Variants in SH3GL1 observed in about 807,000 individuals in gnomAD.
SH3GL1 encodes the protein endophilin-A2.
A neutral mutation model predicts 48.8 loss-of-function variants in SH3GL1; 21 were observed. The ratio of observed to expected loss-of-function variants is 0.43; its 90% CI spans 0.30 to 0.62. The LOEUF is 0.62. SH3GL1 is among the 20% of genes least tolerant of loss of function. The probability of loss-of-function intolerance (pLI) is 0.11; values close to 1 mark genes in which losing one functional copy is unlikely to be tolerated. For missense variants in SH3GL1, 454 were observed against 503.0 expected (o/e 0.90, Z 0.93); for synonymous variants, 282 against 217.5 (o/e 1.30, Z -2.61).
Position 4,362,752 on chromosome 19 carries a change from C to CG in SH3GL1, c.729-17dup. 1 of 1,613,544 alleles carries CG rather than the reference C, an allele frequency of 6.2e-7. No individual in the cohort carries two copies. Among genetic ancestry groups the CG allele is most frequent in the South Asian group, 1.1e-5 (1 of 91,088 alleles). ...TTCCCGCATCCTGTGAAGGGAGAGG[C>CG]GTGAGTGGACCGAGCCCGTGTCACG... On this transcript the variant is annotated splice_polypyrimidine_tract_variant and intron_variant, in intron 7 of 9. Coordinates refer to ENST00000269886, the MANE Select transcript of SH3GL1 (RefSeq NM_003025.4).
chr19:4,363,416 G>A lies in SH3GL1; in HGVS notation c.682C>T (p.Gln228Ter). ...AGCTCGTCCAGGATCTGCACGGCCT[G>A]CCGGTGGTAGTCCAGCTGTGCATCC... ...LVDAQLDYHRQAVQILDELAE... is the reference protein window; with the variant it reads ...LVDAQLDYHR Residue 228 changes from glutamine (Q) to a stop codon, truncating the protein, a stop_gained, in exon 7 of 10, where the codon CAG becomes TAG. Transcript: ENST00000269886. LOFTEE classifies it high-confidence loss of function. 1 of 1,612,308 alleles carries A rather than the reference G, an allele frequency of 6.2e-7. No individual in the cohort carries two copies. Among genetic ancestry groups the A allele is most frequent in the Non-Finnish European group, 8.5e-7 (1 of 1,179,480 alleles).
intron 1 of SH3GL1, among the ~76,000 whole-genome samples, chr19:4,372,094 C>CA (rs1972914351): frequency 6.6e-6 from 1 of 152,210 alleles, no homozygotes; most frequent in Non-Finnish European, 1.5e-5. Flanking sequence ...AGGCATGACA[C>CA]AGTGTGCCTG....
chr19:4,395,770 G>C (rs1260079540), intron 1 of SH3GL1: 2 of 151,816 alleles, frequency 1.3e-5, no homozygotes, highest in Non-Finnish European at 2.9e-5. Flanking sequence ...TTAGCCGGGT[G>C]TGGTGGCGCA....
At chr19:4,363,313 G>A (rs1972675389) in intron 7 of SH3GL1, 57 bp downstream of exon 7, 20 of 1,327,026 alleles carry the variant, frequency 1.5e-5, no homozygotes, top group Admixed American at 3.9e-5. Flanking sequence ...GCCCACTTGC[G>A]CTGGCAGAGG....
intron 1 of SH3GL1, among the ~76,000 whole-genome samples, chr19:4,383,617 G>A (rs1201708651): frequency 1.3e-5 from 2 of 152,162 alleles, no homozygotes; most frequent in Non-Finnish European, 2.9e-5. Context: ...CTGCCTGAGA[G>A]AACTGCTCTC....
intron 9 of SH3GL1, 99 bp downstream of exon 9, chr19:4,362,230 C>G (rs1039715865): frequency 2.4e-6 from 3 of 1,274,320 alleles, no homozygotes; most frequent in Admixed American, 2.0e-5. Flanking sequence ...TGGCCCCTCC[C>G]TGCTTGAGAT....
In SH3GL1 at chr19:4,362,378, C is replaced by G. The variant is rs202053998; in HGVS notation, c.861G>C (p.Ser287=). 6.2e-7 allele frequency: 1 copy of G among 1,611,526 alleles called. No individual in the cohort carries two copies. The highest frequency in any genetic ancestry group is 8.5e-7 in the Non-Finnish European group (1 of 1,178,736). Residue 287 remains serine (S), a synonymous_variant, in exon 9 of 10, where the codon TCG becomes TCC. Transcript: ENST00000269886. ...TGGGCTTGTCGGAAGATCGGAAAGA[C>G]GATGAAGCTAAACACAAGCAAAACG... ...CTTAPKIAAS[S]SFRSSDKPIR...
chr19:4,367,147 A>AC lies in SH3GL1; in HGVS notation c.46-154dup, dbSNP rs1442365715. 6.7e-6 allele frequency among the ~76,000 whole-genome samples: 1 copy of AC among 149,826 alleles called. No individual in the cohort carries two copies. Among genetic ancestry groups the AC allele is most frequent in the African/African-American group, 2.4e-5 (1 of 40,948 alleles). ...ACACACCTCAGGCACTGCCGTGGGC[A>AC]CCCCAGGGCCACACGCTGCCTGCAG... On this transcript the variant is annotated intron_variant, in intron 1 of 9. Coordinates refer to ENST00000269886, the MANE Select transcript of SH3GL1 (RefSeq NM_003025.4). The surrounding 1 kb of genome is among the most constrained non-coding windows in gnomAD (Gnocchi z 4.2).
chr19:4,362,428 C>A (rs372522027), intron 8 of SH3GL1, 43 bp from the exon 9 acceptor site: 1 of 1,592,014 alleles, frequency 6.3e-7, no homozygotes, highest in Non-Finnish European at 8.6e-7. Flanking sequence ...TCAAAACGGT[C>A]GGGCAGGGCC....
chr19:4,363,854 G>C lies in SH3GL1; in HGVS notation c.490C>G (p.Arg164Gly). Residue 164 changes from arginine (R) to glycine (G), a missense_variant, in exon 6 of 10, where the codon CGC becomes GGC. By Grantham distance (125) the Arg-to-Gly change is moderately radical (BLOSUM62 -2). Around this residue, in one of 2 missense-constraint regions of SH3GL1, gnomAD observed 176 missense variants for 256.2 expected, o/e 0.69. Transcript: ENST00000269886. Reference protein sequence around the residue: ...IQHHLKKLEGRRLDFDYKKKR... With the variant: ...IQHHLKKLEGGRLDFDYKKKR... ...TTCTTGTAGTCAAAGTCCAGGCGGC[G>C]GCCCTCCAGTTTCTTCAGGTGGTGC... 1 of 1,612,754 alleles carries C rather than the reference G, an allele frequency of 6.2e-7. No homozygotes were observed. The highest frequency in any genetic ancestry group is 8.5e-7 in the Non-Finnish European group (1 of 1,180,034).
chr19:4,373,679 C>G (rs1317509820), intron 1 of SH3GL1, among the ~76,000 whole-genome samples: 1 of 152,120 alleles, frequency 6.6e-6, no homozygotes, highest in Non-Finnish European at 1.5e-5. Context: ...AAGGGGCAGT[C>G]CCTTGGGCCT....
Position 4,361,673 on chromosome 19 carries a change from T to C in SH3GL1, c.1034A>G (p.Glu345Gly). 1 of 1,612,782 alleles carries C rather than the reference T, an allele frequency of 6.2e-7. No homozygotes were observed. Among genetic ancestry groups the C allele is most frequent in the Non-Finnish European group, 8.5e-7 (1 of 1,179,814 alleles). ...LTNQIDENWY[E>G]GMLDGQSGFF... is the part of the protein sequence containing the mutation. ...GCCCGACTGGCCGTCCAGCATGCCC[T>C]CGTACCAGTTCTCATCGATCTGGTT... is the stretch of plus-strand genomic sequence containing the variant. Residue 345 changes from glutamate (E) to glycine (G), a missense_variant, in exon 10 of 10, where the codon GAG (glutamate) becomes GGG (glycine). Physicochemically the swap from Glu to Gly is moderately conservative, Grantham distance 98. This residue lies in a region of SH3GL1 where 278 missense variants were observed against 246.8 expected (regional missense o/e 1.13). Coordinates refer to ENST00000269886, the MANE Select transcript of SH3GL1 (RefSeq NM_003025.4).
chr19:4,400,239 C>A lies in SH3GL1; in HGVS notation c.45+85G>T. ...ACGTCCCCACCTCGGTCCCCCCGGCCCCCTCCCGGGCCAGGTCGGGCCTGG... is the reference window on the plus strand; with the variant it reads ...ACGTCCCCACCTCGGTCCCCCCGGCACCCTCCCGGGCCAGGTCGGGCCTGG... On this transcript the variant is annotated intron_variant, in intron 1 of 9. Transcript: ENST00000269886. The surrounding 1 kb of genome is among the most constrained non-coding windows in gnomAD (Gnocchi z 4.1). 1 of 1,452,282 alleles carries A rather than the reference C, an allele frequency of 6.9e-7. No individual in the cohort carries two copies. Among genetic ancestry groups the A allele is most frequent in the Non-Finnish European group, 9.3e-7 (1 of 1,073,778 alleles). The allele number at this position is 1,452,282 out of a possible 1,614,324, so 90.0% of individuals were successfully genotyped here. A position where few individuals can be genotyped will look rare whatever the true frequency, so the allele number is the denominator to read the frequency against.
chr19:4,371,339 C>T, intron 1 of SH3GL1, among the ~76,000 whole-genome samples: 1 of 152,250 alleles, frequency 6.6e-6, no homozygotes. Context: ...GGGCAGCTGC[C>T]CTGTGCCCGG....
rs763915389 is a variant in SH3GL1 at position 4,400,318 on chromosome 19, G to A, written c.45+6C>T. 1 of 1,598,536 alleles carries A rather than the reference G, an allele frequency of 6.3e-7. No individual in the cohort carries two copies. The highest frequency in any genetic ancestry group is 8.5e-7 in the Non-Finnish European group (1 of 1,175,624). ...GTACTCGGCTCCCGCCTGGGCCTGC[G>A]CTCACCTGGCTCGCCTTGTAGAACT... On this transcript the variant is annotated splice_donor_region_variant and intron_variant, in intron 1 of 9. Transcript: ENST00000269886. This position sits in a 1 kb window ranked among gnomAD's most constrained non-coding sequence, Gnocchi z 4.1.
At position 4,375,271 on chromosome 19, in the gene SH3GL1, C is replaced by T. The variant is rs576889877; in HGVS notation, c.46-8277G>A. On this transcript the variant is annotated intron_variant, in intron 1 of 9. Coordinates refer to ENST00000269886, the MANE Select transcript of SH3GL1 (RefSeq NM_003025.4). ...AGCTGCCGCCTCTGGGCAGATGTCT[C>T]CACTTGATAAACAGGACAGCTAAGG... Among the ~76,000 whole-genome samples the T allele has an allele frequency of 7.2e-5, 11 of 152,316 alleles. No homozygotes were observed. In the East Asian group the frequency reaches 2.1e-3, roughly 29 times the overall value.
chr19:4,400,486 C>T lies in SH3GL1; in HGVS notation c.-118G>A, dbSNP rs1973504970. 4.4e-6 allele frequency: 4 copies of T among 899,544 alleles called. No individual in the cohort carries two copies. The South Asian group carries it at 1.6e-4, about 35-fold the overall frequency. The allele number at this position is 899,544 out of a possible 1,614,324, so 55.7% of individuals were successfully genotyped here. On this transcript the variant is annotated 5_prime_UTR_variant, in exon 1 of 10. Transcript: ENST00000269886. The surrounding 1 kb of genome is among the most constrained non-coding windows in gnomAD (Gnocchi z 4.1). The stretch of plus-strand genomic sequence containing the variant: ...CGGCGCCGCCTCCGCCACCCGCTTG[C>T]CAGCTCCGCGCCCGCCCCGGCGCCG...
Position 4,361,640 on chromosome 19 carries a change from G to C in SH3GL1, c.1067C>G (p.Pro356Arg). The C allele has an allele frequency of 6.2e-7, 1 of 1,609,096 alleles. No individual in the cohort carries two copies. The highest frequency in any genetic ancestry group is 8.5e-7 in the Non-Finnish European group (1 of 1,179,470). Residue 356 changes from proline to arginine, a missense_variant, in exon 10 of 10, where the codon CCG becomes CGG. Physicochemically the swap from Pro to Arg is moderately radical, Grantham distance 103 (BLOSUM62 -2). Transcript: ENST00000269886. ...CACAAGCACCTCCACGTAGCTGAGC[G>C]GGAAGAAGCCCGACTGGCCGTCCAG... The part of the protein sequence containing the change: ...GMLDGQSGFF[P>R]LSYVEVLVPL...
At chr19:4,361,942 T>G (rs989998492) in intron 9 of SH3GL1, 146 bp from the exon 10 acceptor site, 20 of 643,270 alleles carry the variant, frequency 3.1e-5, no homozygotes, top group Non-Finnish European at 5.4e-5. Flanking sequence ...CCCCTGCCAC[T>G]TCTGGGGTCC....
Sources: gnomAD v4.1 joint callset for allele counts (sites outside exome capture counted in the v4.1 genomes callset) on GRCh38, gnomAD v4.1.1 for gene constraint, gnomAD v4.1.1 regional missense constraint, Gnocchi (gnomAD v3.1) non-coding constraint, MANE v1.5 for transcripts, NCBI Gene and HGNC (gene_info 2026-07-23, HGNC 2026-07-21) for gene names.